ADGRB3: variants seen among roughly 807,000 people sequenced by gnomAD.
ADGRB3 encodes the protein adhesion G protein-coupled receptor B3.
Under a neutral mutation model 193.4 loss-of-function variants are expected in ADGRB3, and 37 were observed. The observed-to-expected ratio is 0.19, with a 90% CI of 0.15 to 0.25. The LOEUF is 0.25. Ranked by LOEUF, ADGRB3 falls within the 10% of genes least tolerant of loss-of-function variation. The probability of loss-of-function intolerance (pLI) is 1.00; values close to 1 mark genes in which losing one functional copy is unlikely to be tolerated. For missense variants in ADGRB3, 1,637 were observed against 1,852.9 expected (o/e 0.88, Z 2.14); for synonymous variants, 690 against 644.2 (o/e 1.07, Z -1.08).
At chr6:68,725,134 G>A (rs1047910463) in intron 3 of ADGRB3, among the ~76,000 whole-genome samples, 29 of 151,636 alleles carry the variant, frequency 1.9e-4, no homozygotes, top group Admixed American at 5.9e-4. Flanking sequence ...TTTGTAGCGT[G>A]AGCATGCATC....
rs368082519 is a variant in ADGRB3, at chr6:69,324,670, CT to C, written c.2815-193del. Among the ~76,000 whole-genome samples the C allele has an allele frequency of 3.2e-4, 49 of 151,586 alleles. 1 individual carries two copies. The highest frequency in any genetic ancestry group is 8.7e-4 in the African/African-American group (36 of 41,360). ...AATTAAGTGCAAAAATGAAATTAGA[CT>C]TTTTTTTTCCATTGTAAATACTGTA... On this transcript the variant is annotated intron_variant, in intron 20 of 31. Transcript: ENST00000370598.
chr6:69,361,560 A>T (rs1769452025), intron 29 of ADGRB3, 48 bp downstream of exon 29: 1 of 1,533,496 alleles, frequency 6.5e-7, no homozygotes, highest in Non-Finnish European at 8.9e-7. Context: ...AAATATGAAT[A>T]GATATAAATA....
At chr6:69,200,276 G>A (rs1041183145) in intron 17 of ADGRB3, among the ~76,000 whole-genome samples, 1 of 151,964 alleles carries the variant, frequency 6.6e-6, no homozygotes, top group Non-Finnish European at 1.5e-5. Context: ...CATTTTGGTA[G>A]GGATAACTTG....
intron 8 of ADGRB3, among the ~76,000 whole-genome samples, chr6:68,962,254 C>A (rs1438948137): frequency 2.0e-5 from 3 of 152,114 alleles, no homozygotes; most frequent in African/African-American, 7.2e-5. Context: ...CCAATCTTCT[C>A]AAAAAGGATG....
chr6:69,320,825 ATG>A (rs5877204), intron 20 of ADGRB3, among the ~76,000 whole-genome samples: 7,368 of 145,910 alleles, frequency 0.05, 225 homozygotes, highest in Non-Finnish European at 0.073. Context: ...GCATGTGTGT[ATG>A]TGTGTGTGTG....
intron 20 of ADGRB3, among the ~76,000 whole-genome samples, chr6:69,288,855 T>C (rs1767607303): frequency 6.6e-6 from 1 of 152,182 alleles, no homozygotes; most frequent in African/African-American, 2.4e-5. Flanking sequence ...GGTTTTCTTA[T>C]ATGTCAAGGT....
At chr6:68,665,230 C>T (rs1768772326) in intron 3 of ADGRB3, among the ~76,000 whole-genome samples, 1 of 151,544 alleles carries the variant, frequency 6.6e-6, no homozygotes, top group Non-Finnish European at 1.5e-5. Flanking sequence ...GAAATGATCC[C>T]TGAAAGTATA....
At chr6:68,936,768 G>T in intron 5 of ADGRB3, 88 bp downstream of exon 5, 7 of 1,374,052 alleles carry the variant, frequency 5.1e-6, no homozygotes, top group Non-Finnish European at 6.9e-6. Context: ...CATATGAAAC[G>T]GGTATAGGCA....
At position 68,796,403 on chromosome 6, in the gene ADGRB3, A is replaced by T. The variant is rs190817475; in HGVS notation, c.758-134156A>T. 6.6e-4 allele frequency among the ~76,000 whole-genome samples: 100 copies of T among 152,176 alleles called. 2 individuals carry two copies. The highest frequency in any genetic ancestry group is 2.3e-3 in the African/African-American group (95 of 41,540). On this transcript the variant is annotated intron_variant, in intron 3 of 31. Transcript: ENST00000370598. ...CCTAACAATTTCTCCATTCTTTCTG[A>T]ATATTCTGGGGTTACAAGTATCCTC...
At chr6:69,023,047 G>A (rs532571554) in intron 13 of ADGRB3, among the ~76,000 whole-genome samples, 1 of 152,026 alleles carries the variant, frequency 6.6e-6, no homozygotes, top group Admixed American at 6.6e-5. Context: ...TATTAGTTTA[G>A]AACCTAGAAC....
In ADGRB3 at chr6:68,740,825, T is replaced by C. The variant is rs961369670; in HGVS notation, c.757+101393T>C. Among the ~76,000 whole-genome samples the C allele has an allele frequency of 2.6e-5, 4 of 152,206 alleles. No individual in the cohort carries two copies. The East Asian group carries it at 7.7e-4, about 29-fold the overall frequency. On this transcript the variant is annotated intron_variant, in intron 3 of 31. Transcript: ENST00000370598. ...GGATTTAAATTGGGGCAAAACCGTT[T>C]GTTTCATTTCTTCTATTCCCTTAAC...
In ADGRB3 at chr6:69,060,194, C is replaced by CTCTCTT. The variant is rs1183819468; in HGVS notation, c.2334-2734_2334-2729dup. Among the ~76,000 whole-genome samples the CTCTCTT allele has an allele frequency of 3.4e-5, 5 of 148,970 alleles. No individual in the cohort carries two copies. In the Admixed American group the frequency reaches 3.4e-4, roughly 10 times the overall value. On this transcript the variant is annotated intron_variant, in intron 15 of 31. Transcript: ENST00000370598. Reference sequence around the variant, plus strand: ...ACATACACACATTTTCTTTCTCTCTCTCTCTTTCTCTGTCTCTCTCTCTCT... The same window carrying CTCTCTT: ...ACATACACACATTTTCTTTCTCTCTCTCTCTTTCTCTTTCTCTGTCTCTCTCTCTCT...
intron 17 of ADGRB3, among the ~76,000 whole-genome samples, chr6:69,218,429 A>T (rs982914665): frequency 1.3e-5 from 2 of 152,130 alleles, no homozygotes; most frequent in Non-Finnish European, 2.9e-5. Flanking sequence ...GGGAAGAGGG[A>T]GAAGAAAAGA....
At chr6:69,156,330 G>T (rs314207) in intron 17 of ADGRB3, among the ~76,000 whole-genome samples, 92,845 of 152,072 alleles carry the variant, frequency 0.61, 29,421 homozygotes, top group East Asian at 0.9. Context: ...AGACAGCATG[G>T]TTAGGAAAAC....
intron 17 of ADGRB3, among the ~76,000 whole-genome samples, chr6:69,196,930 T>C (rs1054143042): frequency 2.6e-5 from 4 of 152,148 alleles, no homozygotes; most frequent in Non-Finnish European, 2.9e-5. Flanking sequence ...GAGTGCATTA[T>C]TGCAGGCAAG....
chr6:69,182,688 T>C (rs1775620809), intron 17 of ADGRB3, among the ~76,000 whole-genome samples: 1 of 152,134 alleles, frequency 6.6e-6, no homozygotes, highest in Non-Finnish European at 1.5e-5. Flanking sequence ...AAAACACCTA[T>C]CATAGAAGTA....
chr6:69,109,761 G>A (rs1488973512), intron 17 of ADGRB3, among the ~76,000 whole-genome samples: 1 of 152,058 alleles, frequency 6.6e-6, no homozygotes, highest in Non-Finnish European at 1.5e-5. Context: ...GCGGAAAGGG[G>A]ATAATATTAA....
chr6:69,343,929 T>G (rs1011205018), intron 26 of ADGRB3, among the ~76,000 whole-genome samples: 4 of 152,186 alleles, frequency 2.6e-5, no homozygotes, highest in African/African-American at 7.2e-5. Context: ...CAAAATATAC[T>G]ATTTACTATT....
At chr6:68,719,277 G>T (rs1765535239) in intron 3 of ADGRB3, among the ~76,000 whole-genome samples, 2 of 151,700 alleles carry the variant, frequency 1.3e-5, no homozygotes, top group South Asian at 4.1e-4. Context: ...TATCTATGCT[G>T]TCCAGTGCAA....
Sources: gnomAD v4.1 joint callset for allele counts (sites outside exome capture counted in the v4.1 genomes callset) on GRCh38, gnomAD v4.1.1 for gene constraint, MANE v1.5 for transcripts, NCBI Gene and HGNC (gene_info 2026-07-23, HGNC 2026-07-21) for gene names.